SLC35F4: variants seen among roughly 807,000 people sequenced by gnomAD.
SLC35F4 encodes chromosome 14 open reading frame 36.
SLC35F4 carries 24 observed loss-of-function variants against 44.2 expected under a neutral mutation model. The observed-to-expected ratio is 0.54, with a 90% CI of 0.39 to 0.76. SLC35F4 has a LOEUF of 0.76. Ranked by LOEUF, SLC35F4 falls within the 30% of genes least tolerant of loss-of-function variation. The pLI, the probability that SLC35F4 is intolerant of heterozygous loss-of-function variation, is 0.00. For synonymous variants in SLC35F4, 238 were observed against 223.6 expected, an observed-to-expected ratio of 1.06 and a Z score of -0.57; for missense variants, 562 against 586.1, an observed-to-expected ratio of 0.96 and a Z score of 0.42.
At chr14:57,669,295 C>G (rs10431699) in intron 1 of SLC35F4, among the ~76,000 whole-genome samples, 9 of 151,826 alleles carry the variant, frequency 5.9e-5, no homozygotes, top group South Asian at 2.1e-4. Flanking sequence ...ATTTGACTTC[C>G]TCTTTTCCTA....
intron 2 of SLC35F4, among the ~76,000 whole-genome samples, chr14:57,590,305 A>G (rs1205134173): frequency 2.0e-5 from 3 of 151,854 alleles, no homozygotes; most frequent in Non-Finnish European, 4.4e-5. Context: ...AGGTGGGTGA[A>G]TCCCTTGAGC....
At chr14:57,965,415 G>A (rs754735361) in intron 1 of SLC35F4, among the ~76,000 whole-genome samples, 5 of 151,950 alleles carry the variant, frequency 3.3e-5, no homozygotes, top group Non-Finnish European at 5.9e-5. Flanking sequence ...GGATAACCTC[G>A]CTATCTTGAG....
intron 1 of SLC35F4, among the ~76,000 whole-genome samples, chr14:57,760,677 T>C (rs971642956): frequency 1.3e-5 from 2 of 152,204 alleles, no homozygotes; most frequent in Non-Finnish European, 2.9e-5. Flanking sequence ...CAGAATAGCA[T>C]TTAGTGAAGC....
chr14:57,598,502 T>C (rs1426027435), intron 1 of SLC35F4, among the ~76,000 whole-genome samples: 1 of 152,082 alleles, frequency 6.6e-6, no homozygotes, highest in Non-Finnish European at 1.5e-5. Context: ...GAGTATAAGA[T>C]GTGAAGTTCT....
At chr14:57,982,495 C>T (rs1305600446), upstream of SLC35F4, among the ~76,000 whole-genome samples, 1 of 152,010 alleles carries the variant, frequency 6.6e-6, no homozygotes, top group East Asian at 1.9e-4. Flanking sequence ...TTCTATGCTG[C>T]CTCTGATTCA....
intron 1 of SLC35F4, among the ~76,000 whole-genome samples, chr14:57,807,872 T>C (rs747055018): frequency 2.0e-5 from 3 of 151,878 alleles, no homozygotes; most frequent in Admixed American, 6.6e-5. Context: ...GATTCACAGT[T>C]CTACATGGCT....
chr14:57,864,344 C>T (rs1887940588), intron 1 of SLC35F4, among the ~76,000 whole-genome samples: 1 of 152,086 alleles, frequency 6.6e-6, no homozygotes, highest in Non-Finnish European at 1.5e-5. Flanking sequence ...ATTTTCTTTC[C>T]AGAAAATTCT....
At chr14:57,945,439 ATGTGTGTGTGTGTGTGTGTG>A (rs58976756) in intron 1 of SLC35F4, among the ~76,000 whole-genome samples, 118 of 104,748 alleles carry the variant, frequency 1.1e-3, no homozygotes, top group African/African-American at 2.1e-3. Flanking sequence ...AGCAATGATA[ATGTGTGTGTGTGTGTGTGTG>A]TGTGTGTGTG....
intron 1 of SLC35F4, among the ~76,000 whole-genome samples, chr14:57,661,940 C>G (rs2074151111): frequency 6.6e-6 from 1 of 152,118 alleles, no homozygotes; most frequent in African/African-American, 2.4e-5. Context: ...AACAGCCAGA[C>G]CATAACATAA....
At chr14:57,953,163 C>A (rs1396952799) in intron 1 of SLC35F4, among the ~76,000 whole-genome samples, 1 of 151,936 alleles carries the variant, frequency 6.6e-6, no homozygotes, top group African/African-American at 2.4e-5. Context: ...AATTTTCAAC[C>A]CAGAATATCC....
intron 1 of SLC35F4, among the ~76,000 whole-genome samples, chr14:57,810,517 T>C (rs1881842476): frequency 6.6e-6 from 1 of 152,192 alleles, no homozygotes; most frequent in Non-Finnish European, 1.5e-5. Flanking sequence ...TCACTGGCTA[T>C]CCTCAATTTT....
At chr14:57,776,509 A>G (rs2077491016) in intron 1 of SLC35F4, among the ~76,000 whole-genome samples, 1 of 152,062 alleles carries the variant, frequency 6.6e-6, no homozygotes, top group Middle Eastern at 3.4e-3. Flanking sequence ...TACTAAAAAT[A>G]CAAAAAATTT....
At chr14:57,669,617 A>G (rs2074444056) in intron 1 of SLC35F4, among the ~76,000 whole-genome samples, 1 of 152,104 alleles carries the variant, frequency 6.6e-6, no homozygotes. Flanking sequence ...GGTTCTGTTT[A>G]TATGCTGGAT....
Position 57,581,436 on chromosome 14 carries a change from A to C in SLC35F4, c.588-3T>G. 6.2e-7 allele frequency: 1 copy of C among 1,602,740 alleles called. No individual in the cohort carries two copies. Among genetic ancestry groups the C allele is most frequent in the South Asian group, 1.1e-5 (1 of 88,976 alleles). Reference sequence around the variant, plus strand: ...CACCAAAAATCCGACTGCATTCCCTAGGAAAGAAAAGAGAAGTTAATATCC... The same window carrying C: ...CACCAAAAATCCGACTGCATTCCCTCGGAAAGAAAAGAGAAGTTAATATCC... On this transcript the variant is annotated splice_region_variant and splice_polypyrimidine_tract_variant and intron_variant, in intron 3 of 7. Transcript: ENST00000556826.
At chr14:57,808,855 A>G (rs1349941028) in intron 1 of SLC35F4, among the ~76,000 whole-genome samples, 4 of 152,238 alleles carry the variant, frequency 2.6e-5, no homozygotes, top group African/African-American at 9.6e-5. Context: ...ATAAGTCAGT[A>G]TCAACAACTT....
chr14:57,745,904 A>C (rs2076741212), intron 1 of SLC35F4, among the ~76,000 whole-genome samples: 1 of 152,212 alleles, frequency 6.6e-6, no homozygotes, highest in African/African-American at 2.4e-5. Context: ...CTATGCAGCC[A>C]TAAAAAGGAT....
chr14:57,607,115 C>G (rs2071207484), intron 1 of SLC35F4, among the ~76,000 whole-genome samples: 1 of 152,180 alleles, frequency 6.6e-6, no homozygotes, highest in Non-Finnish European at 1.5e-5. Flanking sequence ...GAAGGCAATT[C>G]ACTGCACAGC....
rs139246518 is a variant in SLC35F4 at position 57,663,611 on chromosome 14, C to T, written c.104-69487G>A. 5.5e-3 allele frequency among the ~76,000 whole-genome samples: 833 copies of T among 152,274 alleles called. 16 individuals carry two copies. Among genetic ancestry groups the T allele is most frequent in the Non-Finnish European group, 5.4e-3 (370 of 68,014 alleles). On this transcript the variant is annotated intron_variant, in intron 1 of 7. Transcript: ENST00000556826. ...CATCTGATACCTCGACACAATTGCTCATATTTCTCCAGTTAGTCGGTAACA... is the reference window on the plus strand; with the variant it reads ...CATCTGATACCTCGACACAATTGCTTATATTTCTCCAGTTAGTCGGTAACA...
intron 1 of SLC35F4, among the ~76,000 whole-genome samples, chr14:57,644,685 T>C (rs896454485): frequency 1.3e-5 from 2 of 152,208 alleles, no homozygotes; most frequent in Admixed American, 6.5e-5. Flanking sequence ...ATGAAGTCCT[T>C]GCCCATGCCT....
Sources: gnomAD v4.1 joint callset for allele counts (sites outside exome capture counted in the v4.1 genomes callset) on GRCh38, gnomAD v4.1.1 for gene constraint, MANE v1.5 for transcripts, NCBI Gene and HGNC (gene_info 2026-07-23, HGNC 2026-07-21) for gene names.